Variants in PTPRN2 observed in about 807,000 individuals in gnomAD.
PTPRN2 encodes the protein receptor-type tyrosine-protein phosphatase N2.
PTPRN2 carries 74 observed loss-of-function variants against 118.8 expected under a neutral mutation model. That is an observed-to-expected ratio of 0.62 (90% CI 0.52 to 0.76). The LOEUF (loss-of-function observed/expected upper bound fraction) is 0.76, where lower values mean the gene tolerates loss of function less well. Ranked by LOEUF, PTPRN2 falls within the 30% of genes least tolerant of loss-of-function variation. The pLI, the probability that PTPRN2 is intolerant of heterozygous loss-of-function variation, is 0.00. For synonymous variants in PTPRN2, 641 were observed against 608.0 expected (o/e 1.05, Z -0.80); for missense variants, 1,481 against 1,394.4 (o/e 1.06, Z -0.99).
rs761466048 is a variant in PTPRN2, at chr7:157,874,766, C to T, written c.1788+23907G>A. Among the ~76,000 whole-genome samples, 8 of 114,056 alleles carry T rather than the reference C, an allele frequency of 7.0e-5. No individual in the cohort carries two copies. The highest frequency in any genetic ancestry group is 2.8e-4 in the Admixed American group (3 of 10,532). 74.8% of individuals were successfully genotyped at this position (114,056 alleles called of 152,430 possible). A position where few individuals can be genotyped will look rare whatever the true frequency, so the allele number is the denominator to read the frequency against. ...GCACATACACAGACACACACTCATG[C>T]ACACACACACGAACACACTCATACA... On this transcript the variant is annotated intron_variant, in intron 12 of 22. Coordinates refer to ENST00000389418, the MANE Select transcript of PTPRN2 (RefSeq NM_002847.5). This position sits in a 1 kb window ranked among gnomAD's most constrained non-coding sequence, Gnocchi z 5.8.
intron 11 of PTPRN2, among the ~76,000 whole-genome samples, chr7:157,924,877 A>G (rs957141249): frequency 6.6e-6 from 1 of 151,194 alleles, no homozygotes; most frequent in Non-Finnish European, 1.5e-5. Context: ...CGTCAGGCAA[A>G]TGCAGTTATT....
At chr7:158,520,381 T>G (rs1823892211) in intron 1 of PTPRN2, among the ~76,000 whole-genome samples, 1 of 152,210 alleles carries the variant, frequency 6.6e-6, no homozygotes, top group Admixed American at 6.5e-5. Context: ...TGAAAATTAT[T>G]ATTTATGTCC....
intron 16 of PTPRN2, among the ~76,000 whole-genome samples, chr7:157,597,200 A>G (rs921370058): frequency 3.9e-5 from 6 of 152,178 alleles, no homozygotes; most frequent in African/African-American, 1.4e-4. Flanking sequence ...GGAAGCAGGG[A>G]GAAAAGCTTT....
chr7:157,879,609 G>C (rs1395605922), intron 12 of PTPRN2, among the ~76,000 whole-genome samples: 1 of 151,840 alleles, frequency 6.6e-6, no homozygotes, highest in Non-Finnish European at 1.5e-5. Context: ...CCTTTAAAAA[G>C]GGAGGGGGCT....
At chr7:158,326,483 ACACAGACATT>A (rs1403876360) in intron 2 of PTPRN2, among the ~76,000 whole-genome samples, 1 of 152,248 alleles carries the variant, frequency 6.6e-6, no homozygotes, top group African/African-American at 2.4e-5. Flanking sequence ...GCAACCACAT[ACACAGACATT>A]CACAGCATGC....
intron 1 of PTPRN2, among the ~76,000 whole-genome samples, chr7:158,584,522 C>A (rs1030051569): frequency 1.3e-5 from 2 of 152,162 alleles, no homozygotes; most frequent in Non-Finnish European, 2.9e-5. Flanking sequence ...AATCGTGTCA[C>A]TAGAAAGGAT....
rs1410813505 is a variant in PTPRN2, at chr7:157,757,888, G to C, written c.1789-74951C>G. Among the ~76,000 whole-genome samples the C allele has an allele frequency of 3.3e-5, 5 of 152,314 alleles. No individual in the cohort carries two copies. In the East Asian group the frequency reaches 9.7e-4, roughly 29 times the overall value. ...GAACCAGGCTCCGCCCCTGACGCCC[G>C]AGACACCGCGCACAAGAAGGCAGTG... On this transcript the variant is annotated intron_variant, in intron 12 of 22. Coordinates refer to ENST00000389418, the MANE Select transcript of PTPRN2 (RefSeq NM_002847.5).
chr7:158,070,628 CTGGTGGTGGAGGTGCCCA>C (rs1811234393), intron 11 of PTPRN2, among the ~76,000 whole-genome samples: 4 of 91,084 alleles, frequency 4.4e-5, no homozygotes, highest in African/African-American at 5.2e-5. Flanking sequence ...GGAGGTGCCC[CTGGTGGTGGAGGTGCCCA>C]TGGTGGTGGA....
At chr7:157,795,580 C>T (rs1390492424) in intron 12 of PTPRN2, among the ~76,000 whole-genome samples, 1 of 152,248 alleles carries the variant, frequency 6.6e-6, no homozygotes, top group Non-Finnish European at 1.5e-5. Flanking sequence ...CTGACATTTG[C>T]CCAAACTAAC....
At chr7:158,205,036 A>C (rs1333852829) in intron 4 of PTPRN2, 135 bp downstream of exon 4, 4 of 743,834 alleles carry the variant, frequency 5.4e-6, no homozygotes, top group Non-Finnish European at 8.8e-6. Flanking sequence ...AGACATCCTA[A>C]CTTTCTGAAA....
intron 2 of PTPRN2, among the ~76,000 whole-genome samples, chr7:158,356,015 T>A (rs1281643407): frequency 6.6e-6 from 1 of 152,216 alleles, no homozygotes; most frequent in Non-Finnish European, 1.5e-5. Context: ...ATCAAAGCTT[T>A]TTTATTATTA....
At chr7:158,073,652 G>A (rs1812117239) in intron 11 of PTPRN2, among the ~76,000 whole-genome samples, 1 of 150,420 alleles carries the variant, frequency 6.6e-6, no homozygotes, top group South Asian at 2.1e-4. Context: ...TCCTACTAAG[G>A]TATAAAGACA....
At position 157,627,844 on chromosome 7, in the gene PTPRN2, C is replaced by G. The variant is rs1196940358; in HGVS notation, c.2197-6335G>C. 6.6e-6 allele frequency among the ~76,000 whole-genome samples: 1 copy of G among 152,128 alleles called. No homozygotes were observed. The highest frequency in any genetic ancestry group is 6.5e-5 in the Admixed American group (1 of 15,280). On this transcript the variant is annotated intron_variant, in intron 14 of 22. Transcript: ENST00000389418. This position sits in a 1 kb window ranked among gnomAD's most constrained non-coding sequence, Gnocchi z 4.2. ...TATCTGACGTAGATCCCAGAGCACA[C>G]GACATCCACACCACAGCAGCTGAAG...
chr7:158,131,195 TAC>T (rs1018631384), intron 9 of PTPRN2, among the ~76,000 whole-genome samples: 7 of 146,854 alleles, frequency 4.8e-5, no homozygotes, highest in African/African-American at 1.8e-4. Flanking sequence ...CTACCTGACA[TAC>T]ACACTCATAT....
chr7:157,541,085 G>A (rs1024746823), intron 22 of PTPRN2, among the ~76,000 whole-genome samples: 3 of 152,226 alleles, frequency 2.0e-5, no homozygotes, highest in East Asian at 1.9e-4. Context: ...CAGAAGCAGC[G>A]AGAAGGCAAC....
chr7:158,396,921 C>A (rs551257531), intron 2 of PTPRN2, among the ~76,000 whole-genome samples: 1 of 152,192 alleles, frequency 6.6e-6, no homozygotes, highest in Admixed American at 6.5e-5. Context: ...AAAAAGTACA[C>A]GAGCTTGTGA....
In PTPRN2 at chr7:157,752,639, C is replaced by T. The variant is rs377400727; in HGVS notation, c.1789-69702G>A. Reference sequence around the variant, plus strand: ...CAGCCACAAGCTCCCACCTAACCTACAGCCCACCTCCAGGTACAGAGGCCA... The same window carrying T: ...CAGCCACAAGCTCCCACCTAACCTATAGCCCACCTCCAGGTACAGAGGCCA... On this transcript the variant is annotated intron_variant, in intron 12 of 22. Transcript: ENST00000389418. Among the ~76,000 whole-genome samples, 10 of 152,266 alleles carry T rather than the reference C, an allele frequency of 6.6e-5. No homozygotes were observed. In the South Asian group the frequency reaches 1.4e-3, roughly 22 times the overall value.
rs182634731 is a variant in PTPRN2 at position 158,268,654 on chromosome 7, G to A, written c.277+48165C>T. The stretch of plus-strand genomic sequence containing the variant: ...TATCCCAGCCGCACACACACAGGGC[G>A]GGTGTGAAATATCCCAGCCGTGTGC... On this transcript the variant is annotated intron_variant, in intron 3 of 22. Transcript: ENST00000389418. Among the ~76,000 whole-genome samples the A allele has an allele frequency of 2.5e-3, 365 of 143,408 alleles. 7 individuals carry two copies. The highest frequency in any genetic ancestry group is 8.8e-3 in the African/African-American group (335 of 37,900). The allele number at this position is 143,408 out of a possible 152,430, so 94.1% of individuals were successfully genotyped here. A position where few individuals can be genotyped will look rare whatever the true frequency, so the allele number is the denominator to read the frequency against.
At chr7:158,444,206 G>A (rs145182563) in intron 2 of PTPRN2, among the ~76,000 whole-genome samples, 41 of 152,360 alleles carry the variant, frequency 2.7e-4, no homozygotes, top group African/African-American at 9.1e-4. Context: ...AGCAAGAGCG[G>A]AATGTTCACA....
Sources: allele counts gnomAD v4.1 joint callset (sites outside exome capture counted in the v4.1 genomes callset), GRCh38; gene constraint gnomAD v4.1.1; non-coding constraint Gnocchi (gnomAD v3.1); transcripts MANE v1.5; gene names NCBI Gene and HGNC (gene_info 2026-07-23, HGNC 2026-07-21).